The following IPO8 variants were observed in gnomAD, a reference collection of about 807,000 sequenced individuals.
IPO8 encodes importin-8.
IPO8 carries 65 observed loss-of-function variants against 141.2 expected under a neutral mutation model. That is an observed-to-expected ratio of 0.46 (90% CI 0.38 to 0.57). IPO8 has a LOEUF of 0.57. IPO8 is among the 20% of genes least tolerant of loss of function. The pLI is 0.00. For missense variants in IPO8, 980 were observed against 1,246.8 expected (o/e 0.79, Z 3.22); for synonymous variants, 411 against 420.3 (o/e 0.98, Z 0.27).
At chr12:30,665,330 A>T (rs2136152751) in intron 12 of IPO8, 21 bp from the exon 13 acceptor site, 1 of 1,353,864 alleles carries the variant, frequency 7.4e-7, no homozygotes, top group East Asian at 2.3e-5. Context: ...ACAAATTTCA[A>T]CTTATCAATT....
intron 6 of IPO8, 112 bp downstream of exon 6, chr12:30,676,381 ATTTAT>A (rs1018375523): frequency 2.9e-5 from 13 of 453,664 alleles, no homozygotes; most frequent in African/African-American, 2.6e-4. Context: ...TATTTTATTA[ATTTAT>A]TTTATTAAAG....
In IPO8 at chr12:30,662,310, A is replaced by C. The variant is rs747484547; in HGVS notation, c.1755+17T>G. The C allele has an allele frequency of 8.1e-6, 13 of 1,599,504 alleles. No homozygotes were observed. The highest frequency in any genetic ancestry group is 1.7e-6 in the Non-Finnish European group (2 of 1,173,534). ...AAGGTTTCTAAACCAAATTAACATA[A>C]AACTGCCCGGTCTTACCAAGTGTTG... On this transcript the variant is annotated intron_variant, in intron 15 of 24. Coordinates refer to ENST00000256079, the MANE Select transcript of IPO8 (RefSeq NM_006390.4).
chr12:30,653,166 G>T (rs1165734653), intron 17 of IPO8, 74 bp from the exon 18 acceptor site: 1 of 1,365,902 alleles, frequency 7.3e-7, no homozygotes, highest in Non-Finnish European at 1.0e-6. Context: ...ACAGAGGAGG[G>T]TTTAGACTAC....
chr12:30,633,679 T>G (rs946473674), intron 23 of IPO8, among the ~76,000 whole-genome samples: 2 of 152,214 alleles, frequency 1.3e-5, no homozygotes, highest in Non-Finnish European at 1.5e-5. Flanking sequence ...ACGGCAGCAA[T>G]TTCATTCTAG....
intron 17 of IPO8, 43 bp from the exon 18 acceptor site, chr12:30,653,135 A>G (rs867969314): frequency 1.3e-6 from 2 of 1,581,214 alleles, no homozygotes; most frequent in Middle Eastern, 3.4e-4. Context: ...AGGAAATAGC[A>G]AAAGTTAAAA....
intron 22 of IPO8, among the ~76,000 whole-genome samples, chr12:30,636,740 C>T (rs927550580): frequency 6.6e-6 from 1 of 151,732 alleles, no homozygotes; most frequent in Non-Finnish European, 1.5e-5. Flanking sequence ...TGTGTAACAG[C>T]ATCTATTAGG....
intron 24 of IPO8, 157 bp downstream of exon 24, chr12:30,631,737 TA>T: frequency 1.7e-6 from 1 of 593,284 alleles, no homozygotes; most frequent in Non-Finnish European, 3.0e-6. Flanking sequence ...CATGAGTGAT[TA>T]AAACAATCAT....
chr12:30,649,114 G>A (rs749764276), intron 20 of IPO8, 23 bp downstream of exon 20: 1 of 1,491,250 alleles, frequency 6.7e-7, no homozygotes, highest in Non-Finnish European at 9.3e-7. Flanking sequence ...CCTCAAGTAA[G>A]GCACTTTCCA....
chr12:30,674,574 C>T, intron 7 of IPO8, 85 bp downstream of exon 7: 1 of 982,938 alleles, frequency 1.0e-6, no homozygotes, highest in East Asian at 2.4e-5. Flanking sequence ...TGACTCTTGG[C>T]TCTCGGTGGC....
In IPO8 at chr12:30,652,187, C is replaced by T; in HGVS notation, c.2172+5G>A. ...CACTGAAACAATAGATTAGGTCATG[C>T]TTACCTTCCTACACATTGTAAAAAG... On this transcript the variant is annotated splice_donor_5th_base_variant and intron_variant, in intron 19 of 24. Coordinates refer to ENST00000256079, the MANE Select transcript of IPO8 (RefSeq NM_006390.4). 6.6e-7 allele frequency: 1 copy of T among 1,509,926 alleles called. No individual in the cohort carries two copies. The highest frequency in any genetic ancestry group is 9.2e-7 in the Non-Finnish European group (1 of 1,089,490). The allele number at this position is 1,509,926 out of a possible 1,614,324, so 93.5% of individuals were successfully genotyped here. A position where few individuals can be genotyped will look rare whatever the true frequency, so the allele number is the denominator to read the frequency against.
At chr12:30,690,318 G>C (rs1471006094) in intron 2 of IPO8, among the ~76,000 whole-genome samples, 178 bp downstream of exon 2, 1 of 152,218 alleles carries the variant, frequency 6.6e-6, no homozygotes, top group South Asian at 2.1e-4. Flanking sequence ...TGAGAGCTCA[G>C]TATCTACCTC....
chr12:30,638,337 T>C (rs1452578156), intron 21 of IPO8, among the ~76,000 whole-genome samples: 2 of 152,202 alleles, frequency 1.3e-5, no homozygotes, highest in Admixed American at 6.5e-5. Context: ...CAATCAGGGA[T>C]TAATTCCAGT....
At chr12:30,684,916 T>C (rs757674746) in intron 2 of IPO8, among the ~76,000 whole-genome samples, 3 of 152,188 alleles carry the variant, frequency 2.0e-5, no homozygotes, top group South Asian at 2.1e-4. Flanking sequence ...TCCAACCTTT[T>C]TGAAATATGT....
chr12:30,681,944 G>T (rs2053193441), intron 3 of IPO8, 127 bp from the exon 4 acceptor site: 2 of 683,480 alleles, frequency 2.9e-6, no homozygotes, highest in African/African-American at 3.7e-5. Flanking sequence ...ACATATGTGG[G>T]GTAGGGGAAA....
intron 8 of IPO8, among the ~76,000 whole-genome samples, chr12:30,673,036 C>G (rs1209952904): frequency 6.6e-6 from 1 of 152,080 alleles, no homozygotes; most frequent in Non-Finnish European, 1.5e-5. Flanking sequence ...TTGGGTGGAT[C>G]ACTTGAGATC....
In IPO8 at chr12:30,679,491, G is replaced by C. The variant is rs1242763540; in HGVS notation, c.639+991C>G. ...GCCTCTGAATATTATTTCAAAACAA[G>C]TGAGAGAACATATTTTCCTAGTATT... is the stretch of plus-strand genomic sequence containing the variant. On this transcript the variant is annotated intron_variant, in intron 5 of 24. Transcript: ENST00000256079. 1.1e-4 allele frequency among the ~76,000 whole-genome samples: 17 copies of C among 151,930 alleles called. 1 individual carries two copies. The highest frequency in any genetic ancestry group is 1.1e-3 in the Admixed American group (17 of 15,260).
At chr12:30,631,308 G>C (rs2052429018) in intron 24 of IPO8, among the ~76,000 whole-genome samples, 1 of 152,170 alleles carries the variant, frequency 6.6e-6, no homozygotes, top group Non-Finnish European at 1.5e-5. Context: ...CCATGCAGAA[G>C]AGCCAGCATT....
At chr12:30,644,657 T>TG (rs34573535) in intron 20 of IPO8, among the ~76,000 whole-genome samples, 26,111 of 145,520 alleles carry the variant, frequency 0.18, 2,793 homozygotes, top group East Asian at 0.29. Flanking sequence ...TTTTTTGTTT[T>TG]TTTTTTTTTT....
chr12:30,661,654 T>C (rs1259318412), intron 15 of IPO8, among the ~76,000 whole-genome samples: 2 of 149,060 alleles, frequency 1.3e-5, no homozygotes, highest in African/African-American at 4.9e-5. Flanking sequence ...AGGAAAAGTT[T>C]TTAAAAAAAT....
Sources: gnomAD v4.1 joint callset for allele counts (sites outside exome capture counted in the v4.1 genomes callset) on GRCh38, gnomAD v4.1.1 for gene constraint, MANE v1.5 for transcripts, NCBI Gene and HGNC (gene_info 2026-07-23, HGNC 2026-07-21) for gene names.